PCCA: variants seen among roughly 807,000 people sequenced by gnomAD.
PCCA encodes the protein propionyl-CoA carboxylase subunit alpha.
A neutral mutation model predicts 101.3 loss-of-function variants in PCCA; 74 were observed. That is an observed-to-expected ratio of 0.73 (90% CI 0.61 to 0.89). The LOEUF (loss-of-function observed/expected upper bound fraction) is 0.89, where lower values mean the gene tolerates loss of function less well. PCCA is among the 40% of genes least tolerant of loss of function. The pLI, the probability that PCCA is intolerant of heterozygous loss-of-function variation, is 0.00. For synonymous variants in PCCA, 294 were observed against 313.6 expected (o/e 0.94, Z 0.66); for missense variants, 891 against 907.0 (o/e 0.98, Z 0.23).
At chr13:100,109,064 A>G (rs750235495) in intron 2 of PCCA, among the ~76,000 whole-genome samples, 1 of 152,222 alleles carries the variant, frequency 6.6e-6, no homozygotes, top group Non-Finnish European at 1.5e-5. Context: ...CCAGTTAGAC[A>G]GATAGGGGCA....
At chr13:100,521,178 A>G (rs975484974) in intron 22 of PCCA, among the ~76,000 whole-genome samples, 5 of 152,200 alleles carry the variant, frequency 3.3e-5, no homozygotes, top group Non-Finnish European at 5.9e-5. Flanking sequence ...ATTTTAAGGA[A>G]TTTTAAAAGA....
chr13:100,290,349 C>G (rs1244275721), intron 12 of PCCA, among the ~76,000 whole-genome samples: 1 of 151,904 alleles, frequency 6.6e-6, no homozygotes, highest in African/African-American at 2.4e-5. Context: ...GTAGCTGGGA[C>G]CATAGGTGCA....
intron 19 of PCCA, among the ~76,000 whole-genome samples, chr13:100,384,917 AC>A (rs779810356): frequency 3.3e-5 from 5 of 152,158 alleles, no homozygotes; most frequent in Non-Finnish European, 7.4e-5. Context: ...AAACTGACTT[AC>A]AGTACATGAC....
chr13:100,274,410 T>C (rs1449506646), intron 12 of PCCA, among the ~76,000 whole-genome samples: 1 of 152,202 alleles, frequency 6.6e-6, no homozygotes, highest in East Asian at 1.9e-4. Context: ...ATTTCCAGTT[T>C]TATGGAATTT....
At chr13:100,372,124 C>T (rs1352770680) in intron 19 of PCCA, among the ~76,000 whole-genome samples, 1 of 152,160 alleles carries the variant, frequency 6.6e-6, no homozygotes, top group East Asian at 1.9e-4. Context: ...GCAGGTGGAT[C>T]ACTTGAGCTC....
chr13:100,325,222 G>C (rs2152723796), intron 16 of PCCA, among the ~76,000 whole-genome samples: 2 of 152,184 alleles, frequency 1.3e-5, no homozygotes, highest in South Asian at 4.2e-4. Context: ...GCTTTTATGT[G>C]GGTACAGGAT....
At chr13:100,261,742 A>G (rs543584332) in intron 9 of PCCA, among the ~76,000 whole-genome samples, 1 of 152,232 alleles carries the variant, frequency 6.6e-6, no homozygotes. Context: ...AATTAGGTCC[A>G]TATTTTTATT....
chr13:100,106,865 T>A (rs1252080903), intron 2 of PCCA, among the ~76,000 whole-genome samples: 1 of 152,174 alleles, frequency 6.6e-6, no homozygotes, highest in South Asian at 2.1e-4. Context: ...TTGCCTAAGG[T>A]GACTGTGGAG....
At chr13:100,437,652 C>G (rs188045562) in intron 20 of PCCA, among the ~76,000 whole-genome samples, 2 of 149,928 alleles carry the variant, frequency 1.3e-5, no homozygotes, top group Admixed American at 6.6e-5. Context: ...TTTAAAATTT[C>G]TTTGTTTTAA....
chr13:100,463,517 A>G (rs1051768212), intron 21 of PCCA, among the ~76,000 whole-genome samples: 1 of 152,088 alleles, frequency 6.6e-6, no homozygotes, highest in African/African-American at 2.4e-5. Context: ...AACAGGAAGA[A>G]GAGAAGAATT....
chr13:100,428,283 G>A (rs1386788701), intron 20 of PCCA, among the ~76,000 whole-genome samples: 1 of 151,486 alleles, frequency 6.6e-6, no homozygotes, highest in African/African-American at 2.4e-5. Context: ...GCCCAGGCTG[G>A]TTTGGAACTC....
At chr13:100,513,543 C>T (rs2086628686) in intron 21 of PCCA, among the ~76,000 whole-genome samples, 2 of 152,326 alleles carry the variant, frequency 1.3e-5, no homozygotes, top group Middle Eastern at 3.4e-3. Flanking sequence ...TCGTCAGAAT[C>T]TTGTAATTTC....
rs573167001 is a variant in PCCA at position 100,224,517 on chromosome 13, ATC to A, written c.601-11324_601-11323del. Among the ~76,000 whole-genome samples, 1,092 of 152,342 alleles carry A rather than the reference ATC, an allele frequency of 7.2e-3. 22 individuals carry two copies. Among genetic ancestry groups the A allele is most frequent in the South Asian group, 0.027 (132 of 4,830 alleles). ...GCTCCCACAGTGCAGGGGTGGGCTG[ATC>A]AGGTCCCTCAAGTGCTGCCAAAGTG... is the stretch of plus-strand genomic sequence containing the variant. On this transcript the variant is annotated intron_variant, in intron 7 of 23. Coordinates refer to ENST00000376285, the MANE Select transcript of PCCA (RefSeq NM_000282.4).
intron 6 of PCCA, among the ~76,000 whole-genome samples, chr13:100,183,016 A>G (rs969121721): frequency 2.6e-5 from 4 of 152,170 alleles, no homozygotes; most frequent in African/African-American, 9.7e-5. Flanking sequence ...TAATTGCAGC[A>G]ATCAAAGGCT....
chr13:100,327,280 C>T lies in PCCA; in HGVS notation c.1430-3281C>T, dbSNP rs960263264. ...GATCTGCTTTCTGTCACTGTAGGCT[C>T]GTTTGCATGTCCTAAAATTTTATAT... is the stretch of plus-strand genomic sequence containing the variant. On this transcript the variant is annotated intron_variant, in intron 16 of 23. Coordinates refer to ENST00000376285, the MANE Select transcript of PCCA (RefSeq NM_000282.4). 2.6e-5 allele frequency among the ~76,000 whole-genome samples: 4 copies of T among 152,064 alleles called. No homozygotes were observed. The South Asian group carries it at 6.2e-4, about 24-fold the overall frequency.
chr13:100,428,781 C>T (rs1321159820), intron 20 of PCCA, among the ~76,000 whole-genome samples: 1 of 152,090 alleles, frequency 6.6e-6, no homozygotes, highest in African/African-American at 2.4e-5. Flanking sequence ...TGGACACCCT[C>T]TGCTTTAAAC....
At chr13:100,411,225 A>ATT (rs566218424) in intron 19 of PCCA, among the ~76,000 whole-genome samples, 76 of 135,714 alleles carry the variant, frequency 5.6e-4, no homozygotes, top group South Asian at 9.5e-4. Context: ...GTGCCTCTTG[A>ATT]TTTTTTTTTT....
intron 7 of PCCA, among the ~76,000 whole-genome samples, chr13:100,233,236 C>A (rs2060598065): frequency 6.6e-6 from 1 of 152,086 alleles, no homozygotes; most frequent in African/African-American, 2.4e-5. Flanking sequence ...TTCTATGACA[C>A]CAGTAATATG....
intron 16 of PCCA, among the ~76,000 whole-genome samples, chr13:100,319,768 A>C (rs936462634): frequency 6.6e-6 from 1 of 152,148 alleles, no homozygotes; most frequent in Non-Finnish European, 1.5e-5. Flanking sequence ...GTCAGGTAGC[A>C]TGATGCCTCC....
Sources: gnomAD v4.1 joint callset for allele counts (sites outside exome capture counted in the v4.1 genomes callset) on GRCh38, gnomAD v4.1.1 for gene constraint, MANE v1.5 for transcripts, NCBI Gene and HGNC (gene_info 2026-07-23, HGNC 2026-07-21) for gene names.